Variants in SGCZ observed in about 807,000 individuals in gnomAD.
The protein encoded by SGCZ is zeta-sarcoglycan.
SGCZ carries 40 observed loss-of-function variants against 41.3 expected under a neutral mutation model. The observed-to-expected ratio is 0.97, with a 90% CI of 0.75 to 1.26. The LOEUF is 1.26. Ranked by LOEUF, SGCZ falls within the 50% of genes most tolerant of loss-of-function variation. SGCZ has a pLI of 0.00. For synonymous variants in SGCZ, 206 were observed against 137.5 expected (o/e 1.50, Z -3.49); for missense variants, 552 against 369.8 (o/e 1.49, Z -4.04).
intron 1 of SGCZ, among the ~76,000 whole-genome samples, chr8:14,619,051 T>C (rs567290665): frequency 2.0e-5 from 3 of 152,262 alleles, no homozygotes; most frequent in African/African-American, 7.2e-5. Flanking sequence ...ACTCTATATA[T>C]TAGTCCATTT....
At chr8:15,182,743 A>G (rs1462025596) in intron 1 of SGCZ, among the ~76,000 whole-genome samples, 2 of 152,192 alleles carry the variant, frequency 1.3e-5, no homozygotes, top group Non-Finnish European at 2.9e-5. Flanking sequence ...AGTACACAAA[A>G]TTTATTTTAA....
chr8:14,474,063 G>A (rs897550179), intron 2 of SGCZ, among the ~76,000 whole-genome samples: 1 of 152,060 alleles, frequency 6.6e-6, no homozygotes, highest in East Asian at 1.9e-4. Flanking sequence ...AAGTTATAGG[G>A]GAAAGAAGAA....
At chr8:15,091,414 C>G (rs936432734) in intron 1 of SGCZ, among the ~76,000 whole-genome samples, 7 of 152,216 alleles carry the variant, frequency 4.6e-5, no homozygotes, top group Non-Finnish European at 8.8e-5. Flanking sequence ...TTTACATTCA[C>G]TTATATCCTT....
At chr8:14,109,674 A>G (rs1007258039) in intron 5 of SGCZ, among the ~76,000 whole-genome samples, 3 of 152,202 alleles carry the variant, frequency 2.0e-5, no homozygotes, top group African/African-American at 7.2e-5. Context: ...TAAAGCTAAA[A>G]TTCCAATTCC....
chr8:14,661,469 C>T (rs1262138321), intron 1 of SGCZ, among the ~76,000 whole-genome samples: 1 of 152,072 alleles, frequency 6.6e-6, no homozygotes, highest in African/African-American at 2.4e-5. Context: ...TGAGTCAGTG[C>T]AATATCTACA....
intron 1 of SGCZ, among the ~76,000 whole-genome samples, chr8:14,682,587 AC>A (rs1808483793): frequency 6.6e-6 from 1 of 151,778 alleles, no homozygotes; most frequent in Non-Finnish European, 1.5e-5. Context: ...GGCGCCCACC[AC>A]CACGCCCGGC....
chr8:14,518,426 C>A (rs1802689895), intron 2 of SGCZ, among the ~76,000 whole-genome samples: 1 of 152,010 alleles, frequency 6.6e-6, no homozygotes, highest in Admixed American at 6.6e-5. Context: ...ATATATGGAC[C>A]AATCTTTATT....
chr8:14,131,458 C>T (rs1026409003), intron 5 of SGCZ, among the ~76,000 whole-genome samples: 2 of 152,104 alleles, frequency 1.3e-5, no homozygotes, highest in Non-Finnish European at 2.9e-5. Context: ...TATGTTATTC[C>T]AATTGTATTC....
chr8:14,449,013 C>G (rs1368029345), intron 2 of SGCZ, among the ~76,000 whole-genome samples: 1 of 152,152 alleles, frequency 6.6e-6, no homozygotes, highest in South Asian at 2.1e-4. Context: ...AAGTTACATT[C>G]CAGACAAACA....
intron 1 of SGCZ, among the ~76,000 whole-genome samples, chr8:14,755,226 A>AT (rs1425593702): frequency 1.3e-5 from 2 of 151,788 alleles, no homozygotes; most frequent in Non-Finnish European, 2.9e-5. Context: ...TTCTTGTTTG[A>AT]TTTTTTTAAA....
intron 1 of SGCZ, among the ~76,000 whole-genome samples, chr8:14,808,687 C>G (rs910985583): frequency 6.6e-6 from 1 of 152,022 alleles, no homozygotes; most frequent in Non-Finnish European, 1.5e-5. Flanking sequence ...CCTCAGGGAT[C>G]TAGAACTAGA....
intron 2 of SGCZ, among the ~76,000 whole-genome samples, chr8:14,471,492 A>G (rs1308665844): frequency 1.3e-5 from 2 of 152,120 alleles, no homozygotes; most frequent in Admixed American, 1.3e-4. Context: ...GATGACATAT[A>G]CAAGGAAGAC....
chr8:14,589,946 C>T (rs1805187611), intron 1 of SGCZ, among the ~76,000 whole-genome samples: 1 of 151,950 alleles, frequency 6.6e-6, no homozygotes, highest in Non-Finnish European at 1.5e-5. Context: ...TTCCTTTCAC[C>T]CAGTTTTAAG....
rs1351515939 is a variant in SGCZ at position 15,012,635 on chromosome 8, CAT to C, written c.39+224948_39+224949del. On this transcript the variant is annotated intron_variant, in intron 1 of 7. Coordinates refer to ENST00000382080, the MANE Select transcript of SGCZ (RefSeq NM_139167.4). Reference sequence around the variant, plus strand: ...CATATATGTTTATATAATATATAAACATATAAAACTATATATAATATATAATA... The same window carrying C: ...CATATATGTTTATATAATATATAAACATAAAACTATATATAATATATAATA... 1.6e-4 allele frequency among the ~76,000 whole-genome samples: 9 copies of C among 56,898 alleles called. No homozygotes were observed. The South Asian group carries it at 2.6e-3, about 16-fold the overall frequency. 37.3% of individuals were successfully genotyped at this position (56,898 alleles called of 152,430 possible).
At chr8:14,313,481 T>G in intron 3 of SGCZ, among the ~76,000 whole-genome samples, 1 of 152,110 alleles carries the variant, frequency 6.6e-6, no homozygotes, top group Non-Finnish European at 1.5e-5. Flanking sequence ...CATGCCCAGC[T>G]AATTTTTGTA....
chr8:14,932,771 A>G (rs1033083934), intron 1 of SGCZ, among the ~76,000 whole-genome samples: 1 of 152,010 alleles, frequency 6.6e-6, no homozygotes, highest in Non-Finnish European at 1.5e-5. Context: ...AAAACAACTA[A>G]TATTTCTTGG....
chr8:14,804,021 G>A (rs549433536), intron 1 of SGCZ, among the ~76,000 whole-genome samples: 38 of 125,528 alleles, frequency 3.0e-4, no homozygotes, highest in African/African-American at 1.3e-3. Context: ...TGAGGGTGCT[G>A]TTTGTTAGAA....
chr8:14,619,241 C>CG (rs772349220), intron 1 of SGCZ, among the ~76,000 whole-genome samples: 36 of 152,116 alleles, frequency 2.4e-4, no homozygotes, highest in South Asian at 4.2e-4. Flanking sequence ...AATTCAACAA[C>CG]CTTCATGCTA....
intron 2 of SGCZ, among the ~76,000 whole-genome samples, chr8:14,327,345 G>A (rs113170681): frequency 5.9e-5 from 9 of 152,096 alleles, no homozygotes; most frequent in African/African-American, 1.4e-4. Flanking sequence ...AACATGACAT[G>A]GGGCTTTAAA....
Sources: gnomAD v4.1 joint callset for allele counts (sites outside exome capture counted in the v4.1 genomes callset) on GRCh38, gnomAD v4.1.1 for gene constraint, MANE v1.5 for transcripts, NCBI Gene and HGNC (gene_info 2026-07-23, HGNC 2026-07-21) for gene names.